Variants in PPP1R9A observed in about 807,000 individuals in gnomAD.
PPP1R9A encodes neurabin-1.
In PPP1R9A, 59 loss-of-function variants were observed where a neutral mutation model predicts 141.9. That is an observed-to-expected ratio of 0.42 (90% CI 0.34 to 0.52). The LOEUF is 0.52. Among genes scored for constraint, PPP1R9A ranks in the 20% least tolerant of loss-of-function variants. PPP1R9A has a pLI of 0.10. For synonymous variants in PPP1R9A, 500 were observed against 569.7 expected, an observed-to-expected ratio of 0.88 and a Z score of 1.74; for missense variants, 1,444 against 1,611.9, an observed-to-expected ratio of 0.90 and a Z score of 1.78.
At chr7:94,998,351 C>T (rs559538412) in intron 2 of PPP1R9A, among the ~76,000 whole-genome samples, 1 of 152,186 alleles carries the variant, frequency 6.6e-6, no homozygotes, top group Admixed American at 6.5e-5. Flanking sequence ...TTACCCCTCT[C>T]ATTTTACAGG....
rs368686562 is a variant in PPP1R9A at position 95,283,998 on chromosome 7, C to A, written c.3297-20C>A. ...TCCGCCCTTTCTTTATCTAACACAC[C>A]CATTCTTTTCACAAAACAGGATCTT... On this transcript the variant is annotated intron_variant, in intron 16 of 19. Coordinates refer to ENST00000433360, the MANE Select transcript of PPP1R9A (RefSeq NM_001166160.2). 9.3e-4 allele frequency: 1,451 copies of A among 1,554,794 alleles called. 2 individuals are homozygous for A. Among genetic ancestry groups the A allele is most frequent in the Non-Finnish European group, 1.2e-3 (1,324 of 1,147,026 alleles).
intron 4 of PPP1R9A, among the ~76,000 whole-genome samples, chr7:95,139,564 T>C (rs1373469905): frequency 1.3e-5 from 2 of 152,170 alleles, no homozygotes; most frequent in African/African-American, 2.4e-5. Context: ...CTTCATGTTA[T>C]TCTGTTGCAG....
At chr7:95,094,105 A>G (rs577817881) in intron 2 of PPP1R9A, among the ~76,000 whole-genome samples, 1 of 152,324 alleles carries the variant, frequency 6.6e-6, no homozygotes, top group South Asian at 2.1e-4. Context: ...CAAATATGAA[A>G]GAAAGCTTAG....
Position 95,290,435 on chromosome 7 carries a change from G to A in PPP1R9A, c.*132G>A. 2 of 1,029,428 alleles carry A rather than the reference G, an allele frequency of 1.9e-6. No individual in the cohort carries two copies. Among genetic ancestry groups the A allele is most frequent in the Non-Finnish European group, 2.8e-6 (2 of 723,294 alleles). The allele number at this position is 1,029,428 out of a possible 1,614,324, so 63.8% of individuals were successfully genotyped here. A position where few individuals can be genotyped will look rare whatever the true frequency, so the allele number is the denominator to read the frequency against. ...GCGGCTCTAGGCCGGCTGAGGAACT[G>A]TGTGTTGAATAACTGCATTTTCTGC... On this transcript the variant is annotated 3_prime_UTR_variant, in exon 20 of 20. Coordinates refer to ENST00000433360, the MANE Select transcript of PPP1R9A (RefSeq NM_001166160.2).
intron 3 of PPP1R9A, among the ~76,000 whole-genome samples, chr7:95,116,887 T>C (rs1336826858): frequency 6.6e-6 from 1 of 152,178 alleles, no homozygotes; most frequent in Non-Finnish European, 1.5e-5. Flanking sequence ...ATGACACACA[T>C]GATATTTCAG....
At chr7:95,288,208 A>G (rs1428526443) in intron 18 of PPP1R9A, among the ~76,000 whole-genome samples, 1 of 152,186 alleles carries the variant, frequency 6.6e-6, no homozygotes, top group Non-Finnish European at 1.5e-5. Flanking sequence ...TGCATATAGA[A>G]ATTTATGAAA....
rs1239962209 is a variant in PPP1R9A at position 95,284,104 on chromosome 7, C to T, written c.3383C>T (p.Ser1128Leu). 6.3e-7 allele frequency: 1 copy of T among 1,594,238 alleles called. No individual in the cohort carries two copies. Among genetic ancestry groups the T allele is most frequent in the Non-Finnish European group, 8.5e-7 (1 of 1,175,022 alleles). Residue 1128 changes from serine to leucine, a missense_variant, in exon 17 of 20, where the codon TCA (serine) becomes TTA (leucine). Coordinates refer to ENST00000433360, the MANE Select transcript of PPP1R9A (RefSeq NM_001166160.2). The stretch of plus-strand genomic sequence containing the variant: ...ACTCGTTCCCCTTGCATGCCTTTCT[C>T]ATGGTTTAATGACAGCCGGAAAGGA... ...TSTRSPCMPF[S>L]WFNDSRKGSY...
In PPP1R9A at chr7:95,187,580, T is replaced by C. The variant is rs181753462; in HGVS notation, c.1755-10769T>C. On this transcript the variant is annotated intron_variant, in intron 5 of 19. Coordinates refer to ENST00000433360, the MANE Select transcript of PPP1R9A (RefSeq NM_001166160.2). ...GGATTTTGTTCTTTCTCTAGTTCCT[T>C]GAGTTGTGTCCTTAGATTGTCTGTT... 4.6e-3 allele frequency among the ~76,000 whole-genome samples: 698 copies of C among 152,234 alleles called. 5 individuals carry two copies. The highest frequency in any genetic ancestry group is 0.016 in the African/African-American group (657 of 41,560).
intron 5 of PPP1R9A, among the ~76,000 whole-genome samples, chr7:95,191,401 T>G (rs1477317003): frequency 6.6e-6 from 1 of 152,226 alleles, no homozygotes; most frequent in African/African-American, 2.4e-5. Context: ...TGATTTATAA[T>G]GTATAGTGAT....
At chr7:95,035,435 C>T (rs769530094) in intron 2 of PPP1R9A, among the ~76,000 whole-genome samples, 21 of 152,034 alleles carry the variant, frequency 1.4e-4, no homozygotes, top group Admixed American at 2.0e-4. Flanking sequence ...TATCTTTTCT[C>T]CTTCTGTCAG....
chr7:95,107,657 G>T (rs1018874), intron 2 of PPP1R9A, among the ~76,000 whole-genome samples: 1 of 151,860 alleles, frequency 6.6e-6, no homozygotes, highest in African/African-American at 2.4e-5. Flanking sequence ...TATAAAAATG[G>T]ATCTATCCCA....
chr7:95,022,876 T>A (rs1226084730), intron 2 of PPP1R9A, among the ~76,000 whole-genome samples: 1 of 152,220 alleles, frequency 6.6e-6, no homozygotes, highest in East Asian at 1.9e-4. Context: ...CTGGATTTGG[T>A]TTGCCAGTAT....
Position 95,294,023 on chromosome 7 carries a change from T to C in PPP1R9A, c.*3720T>C, listed in dbSNP as rs1232062788. ...TTACACTGAGATATTTCCATTTGAG[T>C]AACTAAAGGTACTCCTGACAGAGCT... On this transcript the variant is annotated 3_prime_UTR_variant, in exon 20 of 20. Transcript: ENST00000433360. 6.6e-6 allele frequency: 1 copy of C among 152,112 alleles called. No individual in the cohort carries two copies. Among genetic ancestry groups the C allele is most frequent in the Non-Finnish European group, 1.5e-5 (1 of 68,030 alleles). 9.4% of individuals were successfully genotyped at this position (152,112 alleles called of 1,614,324 possible).
chr7:95,039,419 T>A (rs1407675675), intron 2 of PPP1R9A, among the ~76,000 whole-genome samples: 1 of 151,638 alleles, frequency 6.6e-6, no homozygotes, highest in Non-Finnish European at 1.5e-5. Flanking sequence ...TTAGTTGGGC[T>A]TGGTGGTGTG....
At chr7:95,025,121 C>A (rs1806626645) in intron 2 of PPP1R9A, among the ~76,000 whole-genome samples, 1 of 151,742 alleles carries the variant, frequency 6.6e-6, no homozygotes, top group East Asian at 1.9e-4. Context: ...GGCTTGAGTG[C>A]AATGGCATGA....
intron 7 of PPP1R9A, among the ~76,000 whole-genome samples, chr7:95,205,308 C>T (rs561214867): frequency 1.3e-4 from 20 of 152,224 alleles, no homozygotes; most frequent in Middle Eastern, 3.4e-3. Context: ...GAGCTAGATA[C>T]GAAATACCAA....
At chr7:95,042,049 C>T (rs961504554) in intron 2 of PPP1R9A, among the ~76,000 whole-genome samples, 12 of 152,152 alleles carry the variant, frequency 7.9e-5, no homozygotes, top group South Asian at 2.1e-4. Flanking sequence ...CCATCCATCT[C>T]GAGGCCCTTG....
chr7:95,226,880 C>A (rs1795213096), intron 8 of PPP1R9A, among the ~76,000 whole-genome samples: 1 of 152,172 alleles, frequency 6.6e-6, no homozygotes. Flanking sequence ...CTTCTCAGAA[C>A]CATGACACAT....
chr7:94,969,438 AC>A (rs990851025), intron 2 of PPP1R9A, among the ~76,000 whole-genome samples: 29 of 151,970 alleles, frequency 1.9e-4, no homozygotes, highest in African/African-American at 6.8e-4. Context: ...CTGCAGGTCT[AC>A]CCCAGAGCCT....
Sources: gnomAD v4.1 joint callset for allele counts (sites outside exome capture counted in the v4.1 genomes callset) on GRCh38, gnomAD v4.1.1 for gene constraint, MANE v1.5 for transcripts, NCBI Gene and HGNC (gene_info 2026-07-23, HGNC 2026-07-21) for gene names.